Variants in PRKN observed in about 807,000 individuals in gnomAD.
The protein encoded by PRKN is parkin RBR E3 ubiquitin protein ligase, also known as E3 ubiquitin-protein ligase parkin.
Under a neutral mutation model 59.5 loss-of-function variants are expected in PRKN, and 56 were observed. That is an observed-to-expected ratio of 0.94 (90% CI 0.76 to 1.18). The LOEUF (loss-of-function observed/expected upper bound fraction) is 1.18. PRKN is among the 50% of genes most tolerant of loss of function. The pLI is 0.00. For synonymous variants in PRKN, 250 were observed against 222.1 expected (o/e 1.13, Z -1.12); for missense variants, 657 against 596.4 (o/e 1.10, Z -1.06).
rs111685909 is a variant in PRKN, at chr6:161,474,829, C to T, written c.1083+74025G>A. On this transcript the variant is annotated intron_variant, in intron 9 of 11. Transcript: ENST00000366898. ...ATGTTGGCCAGGATGGTCTCGATCT[C>T]CTGACCTCGTAATCCACCTGCCTCA... Among the ~76,000 whole-genome samples the T allele has an allele frequency of 4.7e-3, 711 of 151,772 alleles. 1 individual carries two copies. The highest frequency in any genetic ancestry group is 8.4e-3 in the Non-Finnish European group (572 of 67,934).
In PRKN at chr6:161,551,366, C is replaced by T. The variant is rs1379536898; in HGVS notation, c.934-2363G>A. ...CATCCTTGAAATTATTCGTAAAGCT[C>T]GACACTAGGTTAGATCTATGACACT... On this transcript the variant is annotated intron_variant, in intron 8 of 11. Transcript: ENST00000366898. The surrounding 1 kb of genome is among the most constrained non-coding windows in gnomAD (Gnocchi z 5.2). Among the ~76,000 whole-genome samples the T allele has an allele frequency of 1.3e-5, 2 of 152,094 alleles. No homozygotes were observed. The highest frequency in any genetic ancestry group is 3.9e-4 in the East Asian group (2 of 5,180).
intron 6 of PRKN, among the ~76,000 whole-genome samples, chr6:161,836,384 T>C (rs1481762954): frequency 6.6e-6 from 1 of 152,130 alleles, no homozygotes; most frequent in African/African-American, 2.4e-5. Flanking sequence ...GAGGGGGAAA[T>C]TGCCGTACAT....
chr6:161,765,272 T>C (rs143265453), intron 7 of PRKN, among the ~76,000 whole-genome samples: 1 of 152,286 alleles, frequency 6.6e-6, no homozygotes, highest in African/African-American at 2.4e-5. Flanking sequence ...GTGGTCTTCC[T>C]TGTCTCTGAA....
chr6:162,057,897 T>G (rs1447569394), intron 4 of PRKN, among the ~76,000 whole-genome samples: 3 of 152,210 alleles, frequency 2.0e-5, no homozygotes, highest in Non-Finnish European at 4.4e-5. Flanking sequence ...ATGTCTATTT[T>G]ATTATATTGA....
At chr6:161,833,422 T>A (rs1163020513) in intron 6 of PRKN, among the ~76,000 whole-genome samples, 1 of 152,216 alleles carries the variant, frequency 6.6e-6, no homozygotes, top group African/African-American at 2.4e-5. Context: ...GAAGTGCTAA[T>A]CCCTAGCCTA....
intron 7 of PRKN, among the ~76,000 whole-genome samples, chr6:161,572,136 A>C (rs1284380004): frequency 6.6e-6 from 1 of 152,188 alleles, no homozygotes; most frequent in Non-Finnish European, 1.5e-5. Flanking sequence ...TAGATCCTAT[A>C]GACAGAAAGG....
rs1016073589 is a variant in PRKN at position 161,770,157 on chromosome 6, A to G, written c.871+15615T>C. Among the ~76,000 whole-genome samples, 13 of 152,290 alleles carry G rather than the reference A, an allele frequency of 8.5e-5. 1 individual carries two copies. Among genetic ancestry groups the G allele is most frequent in the Admixed American group, 6.5e-4 (10 of 15,300 alleles). Reference sequence around the variant, plus strand: ...AAAGAGCCCTGCATTCCCCAGGGACACTGCGTTGAAGCTCAGGAAACCAGC... The same window carrying G: ...AAAGAGCCCTGCATTCCCCAGGGACGCTGCGTTGAAGCTCAGGAAACCAGC... On this transcript the variant is annotated intron_variant, in intron 7 of 11. Coordinates refer to ENST00000366898, the MANE Select transcript of PRKN (RefSeq NM_004562.3).
rs1010470909 is a variant in PRKN at position 161,794,945 on chromosome 6, C to T, written c.735-9037G>A. Among the ~76,000 whole-genome samples the T allele has an allele frequency of 4.6e-5, 7 of 151,922 alleles. No individual in the cohort carries two copies. The East Asian group carries it at 7.7e-4, about 17-fold the overall frequency. On this transcript the variant is annotated intron_variant, in intron 6 of 11. Transcript: ENST00000366898. ...TGTCACCCAGGCTGGAGTGCAGTGG[C>T]GCGATCTCAGCTCACTGCAAGCTCC...
chr6:162,575,650 T>C (rs1780527069), intron 1 of PRKN, among the ~76,000 whole-genome samples: 1 of 152,164 alleles, frequency 6.6e-6, no homozygotes, highest in Non-Finnish European at 1.5e-5. Context: ...CCCATTTTTA[T>C]ACAGACTACA....
intron 3 of PRKN, among the ~76,000 whole-genome samples, chr6:162,239,191 C>T (rs1019548387): frequency 1.3e-5 from 2 of 152,060 alleles, no homozygotes; most frequent in Non-Finnish European, 2.9e-5. Flanking sequence ...AAGCTCATCT[C>T]CTGGAAAACT....
intron 1 of PRKN, among the ~76,000 whole-genome samples, chr6:162,679,995 A>G (rs1405056887): frequency 6.6e-6 from 1 of 152,126 alleles, no homozygotes. Context: ...TTCAATGTTA[A>G]TGTTAAAATA....
intron 7 of PRKN, among the ~76,000 whole-genome samples, chr6:161,759,910 G>A (rs1789118864): frequency 6.6e-6 from 1 of 152,028 alleles, no homozygotes; most frequent in Non-Finnish European, 1.5e-5. Context: ...AGCTCACTGA[G>A]GTAAAAGAAG....
In PRKN at chr6:162,432,826, T is replaced by C. The variant is rs138391177; in HGVS notation, c.171+10484A>G. Among the ~76,000 whole-genome samples, 60 of 152,334 alleles carry C rather than the reference T, an allele frequency of 3.9e-4. No individual in the cohort carries two copies. In the East Asian group the frequency reaches 0.01, roughly 25 times the overall value. Reference sequence around the variant, plus strand: ...TTAGGAGAAATCTGAAATTACTTCATGCCCCTTGTTAAACAGATTTTGAAT... The same window carrying C: ...TTAGGAGAAATCTGAAATTACTTCACGCCCCTTGTTAAACAGATTTTGAAT... On this transcript the variant is annotated intron_variant, in intron 2 of 11. Transcript: ENST00000366898.
At chr6:162,021,485 CTCT>C (rs1783198182) in intron 5 of PRKN, among the ~76,000 whole-genome samples, 2 of 129,368 alleles carry the variant, frequency 1.5e-5, no homozygotes, top group African/African-American at 6.0e-5. Flanking sequence ...TTTCCTTAAG[CTCT>C]TTTTTAAAAT....
In PRKN at chr6:161,636,739, A is replaced by T. The variant is rs544342305; in HGVS notation, c.872-67323T>A. On this transcript the variant is annotated intron_variant, in intron 7 of 11. Coordinates refer to ENST00000366898, the MANE Select transcript of PRKN (RefSeq NM_004562.3). ...CAGACCCTGTCTCTATGTATATATA[A>T]AAAAAATACAAAGTCGAGATTAAAC... Among the ~76,000 whole-genome samples, 6 of 152,118 alleles carry T rather than the reference A, an allele frequency of 3.9e-5. No individual in the cohort carries two copies. In the South Asian group the frequency reaches 1.2e-3, roughly 32 times the overall value.
chr6:161,520,373 C>T (rs1778775002), intron 9 of PRKN, among the ~76,000 whole-genome samples: 2 of 151,830 alleles, frequency 1.3e-5, no homozygotes, highest in Admixed American at 1.3e-4. Flanking sequence ...TACAGGTGGC[C>T]ATCACCAGGC....
chr6:162,585,972 TG>T (rs1272273826), intron 1 of PRKN, among the ~76,000 whole-genome samples: 5 of 152,288 alleles, frequency 3.3e-5, no homozygotes, highest in African/African-American at 1.2e-4. Context: ...CCCAAAGTGA[TG>T]GGATTACAGG....
chr6:162,647,766 T>C (rs1283890192), intron 1 of PRKN, among the ~76,000 whole-genome samples: 1 of 152,000 alleles, frequency 6.6e-6, no homozygotes, highest in African/African-American at 2.4e-5. Flanking sequence ...CTGAGCTCAG[T>C]CTGATCACAA....
Position 161,487,089 on chromosome 6 carries a change from G to A in PRKN, c.1083+61765C>T, listed in dbSNP as rs1380884572. Among the ~76,000 whole-genome samples, 3 of 152,154 alleles carry A rather than the reference G, an allele frequency of 2.0e-5. No homozygotes were observed. Among genetic ancestry groups the A allele is most frequent in the African/African-American group, 7.2e-5 (3 of 41,444 alleles). Reference sequence around the variant, plus strand: ...TGAGACGGGGAAAGATGGGTGTCCTGGTTGAGGGGCGATGAGGTAAGAATG... The same window carrying A: ...TGAGACGGGGAAAGATGGGTGTCCTAGTTGAGGGGCGATGAGGTAAGAATG... On this transcript the variant is annotated intron_variant, in intron 9 of 11. Coordinates refer to ENST00000366898, the MANE Select transcript of PRKN (RefSeq NM_004562.3). The surrounding 1 kb of genome is among the most constrained non-coding windows in gnomAD (Gnocchi z 5.3).
Sources: allele counts gnomAD v4.1 joint callset (sites outside exome capture counted in the v4.1 genomes callset), GRCh38; gene constraint gnomAD v4.1.1; non-coding constraint Gnocchi (gnomAD v3.1); transcripts MANE v1.5; gene names NCBI Gene and HGNC (gene_info 2026-07-23, HGNC 2026-07-21).